The following TAF5 variants were observed in gnomAD, a reference collection of about 807,000 sequenced individuals.
The protein encoded by TAF5 is TATA-box binding protein associated factor 5, also known as transcription initiation factor TFIID subunit 5.
TAF5 carries 20 observed loss-of-function variants against 80.9 expected under a neutral mutation model. The ratio of observed to expected loss-of-function variants is 0.25; its 90% CI spans 0.17 to 0.36. The LOEUF (loss-of-function observed/expected upper bound fraction) is 0.36. Ranked by LOEUF, TAF5 falls within the 10% of genes least tolerant of loss-of-function variation. TAF5 has a pLI of 1.00. For missense variants in TAF5, 863 were observed against 1,029.4 expected, an observed-to-expected ratio of 0.84 and a Z score of 2.21; for synonymous variants, 388 against 406.4, an observed-to-expected ratio of 0.95 and a Z score of 0.55.
At chr10:103,375,805 C>G (rs1052619570) in intron 2 of TAF5, among the ~76,000 whole-genome samples, 5 of 152,034 alleles carry the variant, frequency 3.3e-5, no homozygotes, top group African/African-American at 1.2e-4. Flanking sequence ...TGCCTGTAAT[C>G]CCAGCACTTT....
At chr10:103,369,611 C>A (rs1478417867) in intron 1 of TAF5, among the ~76,000 whole-genome samples, 2 of 152,004 alleles carry the variant, frequency 1.3e-5, no homozygotes, top group Non-Finnish European at 1.5e-5. Context: ...GATGCACCCA[C>A]CTCTGCGTCC....
chr10:103,387,376 A>G (rs1196038133), intron 9 of TAF5, 24 bp downstream of exon 9: 1 of 1,587,864 alleles, frequency 6.3e-7, no homozygotes, highest in Non-Finnish European at 8.6e-7. Context: ...TTACTATTCC[A>G]GCATCCAAGG....
In TAF5 at chr10:103,380,089, A is replaced by G. The variant is rs2093379105; in HGVS notation, c.1413+70A>G. 19 of 1,502,704 alleles carry G rather than the reference A, an allele frequency of 1.3e-5. No homozygotes were observed. The Middle Eastern group carries it at 5.3e-4, about 42-fold the overall frequency. 93.1% of individuals were successfully genotyped at this position (1,502,704 alleles called of 1,614,324 possible). A position where few individuals can be genotyped will look rare whatever the true frequency, so the allele number is the denominator to read the frequency against. ...GATGATGATTTACCATTAAGAGAGAAACAAATGTATTAGCTAAAATGGAGT... is the reference window on the plus strand; with the variant it reads ...GATGATGATTTACCATTAAGAGAGAGACAAATGTATTAGCTAAAATGGAGT... On this transcript the variant is annotated intron_variant, in intron 5 of 10. Transcript: ENST00000369839.
chr10:103,372,881 G>C (rs2093362751), intron 1 of TAF5, among the ~76,000 whole-genome samples: 1 of 149,762 alleles, frequency 6.7e-6, no homozygotes. Flanking sequence ...GGCGACAAGA[G>C]TGAAACTCCA....
At position 103,379,370 on chromosome 10, in the gene TAF5, C is replaced by T. The variant is rs559721024; in HGVS notation, c.1114-238C>T. On this transcript the variant is annotated intron_variant, in intron 3 of 10. Coordinates refer to ENST00000369839, the MANE Select transcript of TAF5 (RefSeq NM_006951.5). ...TACCCAGTATACTTATATGGACATT[C>T]CTAGCTGAAAGGGAGCCTGGGAACA... 2.0e-5 allele frequency among the ~76,000 whole-genome samples: 3 copies of T among 152,122 alleles called. No homozygotes were observed. In the South Asian group the frequency reaches 6.2e-4, roughly 31 times the overall value.
At chr10:103,377,825 A>T (rs2093373261) in intron 2 of TAF5, among the ~76,000 whole-genome samples, 1 of 152,122 alleles carries the variant, frequency 6.6e-6, no homozygotes. Context: ...ATGCCTTTGA[A>T]ATTTTCATAA....
intron 2 of TAF5, 44 bp downstream of exon 2, chr10:103,373,639 G>A (rs1490179026): frequency 2.2e-6 from 3 of 1,366,158 alleles, no homozygotes; most frequent in South Asian, 1.3e-5. Context: ...CATACGTAGT[G>A]TGTGTGTGTG....
rs149562273 is a variant in TAF5 at position 103,374,790 on chromosome 10, C to T, written c.797+1195C>T. Among the ~76,000 whole-genome samples the T allele has an allele frequency of 0.012, 1,817 of 152,244 alleles. 26 individuals carry two copies. Among genetic ancestry groups the T allele is most frequent in the Middle Eastern group, 0.031 (9 of 294 alleles). On this transcript the variant is annotated intron_variant, in intron 2 of 10. Coordinates refer to ENST00000369839, the MANE Select transcript of TAF5 (RefSeq NM_006951.5). This position sits in a 1 kb window ranked among gnomAD's most constrained non-coding sequence, Gnocchi z 4.3. ...TTTTGGAAGTTATTGCAGTGGTTCT[C>T]AACTGGAGGTGGAATTGCTCCTTCC... is the stretch of plus-strand genomic sequence containing the variant.
At position 103,368,235 on chromosome 10, in the gene TAF5, C is replaced by T. The variant is rs764402804; in HGVS notation, c.246C>T (p.Pro82=). 9.6e-6 allele frequency: 14 copies of T among 1,456,696 alleles called. No homozygotes were observed. Among genetic ancestry groups the T allele is most frequent in the East Asian group, 2.8e-5 (1 of 35,544 alleles). 90.2% of individuals were successfully genotyped at this position (1,456,696 alleles called of 1,614,324 possible). Residue 82 remains proline, a synonymous_variant, in exon 1 of 11, where the codon CCC becomes CCT. Transcript: ENST00000369839. Reference sequence around the variant, plus strand: ...CCCCGGCGGGGGCGGCCCCGGTGCCCGCCGCTGCTCCGGACGCCGGCGCTC... The same window carrying T: ...CCCCGGCGGGGGCGGCCCCGGTGCCTGCCGCTGCTCCGGACGCCGGCGCTC... ...AAAPAGAAPV[P]AAAPDAGAPH... is the part of the protein sequence containing the mutation.
In TAF5 at chr10:103,380,016, C is replaced by T. The variant is rs2093378890; in HGVS notation, c.1410C>T (p.Tyr470=). The part of the protein sequence containing the change: ...SICFYTFLNA[Y]QGLTAVDVTD... ...GTTTCTATACATTTCTCAATGCTTACCAGGTTGGTAAAAAAATTGGGCGAT... is the reference window on the plus strand; with the variant it reads ...GTTTCTATACATTTCTCAATGCTTATCAGGTTGGTAAAAAAATTGGGCGAT... Residue 470 remains tyrosine (Y), a synonymous_variant, in exon 5 of 11, where the codon TAC becomes TAT. Transcript: ENST00000369839. 6.2e-7 allele frequency: 1 copy of T among 1,609,056 alleles called. No individual in the cohort carries two copies. Among genetic ancestry groups the T allele is most frequent in the Admixed American group, 1.7e-5 (1 of 58,892 alleles).
Position 103,368,149 on chromosome 10 carries a change from T to G in TAF5, c.160T>G (p.Ser54Ala), listed in dbSNP as rs1049262949. The change falls in exon 1 of 11, where the codon TCG (serine) becomes GCG (alanine). Residue 54 changes from serine (S) to alanine (A), a missense_variant. Physicochemically the swap from Ser to Ala is moderately conservative, Grantham distance 99 (BLOSUM62 1). Transcript: ENST00000369839. ...PNGGGGNVAA[S>A]SSTGGDGGTP... ...CGGCGGCGGCGGGAACGTTGCGGCGTCGTCGTCCACTGGCGGGGATGGCGG... is the reference window on the plus strand; with the variant it reads ...CGGCGGCGGCGGGAACGTTGCGGCGGCGTCGTCCACTGGCGGGGATGGCGG... 4.3e-5 allele frequency: 60 copies of G among 1,395,176 alleles called. No individual in the cohort carries two copies. Among genetic ancestry groups the G allele is most frequent in the Middle Eastern group, 1.9e-4 (1 of 5,208 alleles). The allele number at this position is 1,395,176 out of a possible 1,614,324, so 86.4% of individuals were successfully genotyped here.
chr10:103,368,801 G>A (rs1331173337), intron 1 of TAF5, among the ~76,000 whole-genome samples: 3 of 152,188 alleles, frequency 2.0e-5, no homozygotes, highest in African/African-American at 7.2e-5. Context: ...GCGGAGAGGC[G>A]GGATCTTCAC....
rs545795385 is a variant in TAF5, at chr10:103,374,849, G to A, written c.797+1254G>A. ...ATTTGAAAATGTGTAGAGGTGGCCC[G>A]GCGCTGCGGCTCACGCCTTTAATCC... On this transcript the variant is annotated intron_variant, in intron 2 of 10. Coordinates refer to ENST00000369839, the MANE Select transcript of TAF5 (RefSeq NM_006951.5). This position sits in a 1 kb window ranked among gnomAD's most constrained non-coding sequence, Gnocchi z 4.3. 1.2e-4 allele frequency among the ~76,000 whole-genome samples: 18 copies of A among 152,288 alleles called. No homozygotes were observed. In the East Asian group the frequency reaches 1.4e-3, roughly 11 times the overall value.
intron 7 of TAF5, among the ~76,000 whole-genome samples, chr10:103,383,577 C>CTT (rs147178642): frequency 0.01 from 1,351 of 129,082 alleles, 52 homozygotes; most frequent in African/African-American, 0.026. Context: ...TGTATACTCA[C>CTT]TTTTTTTTTT....
At position 103,388,524 on chromosome 10, in the gene TAF5, A is replaced by G. The variant is rs1341547261; in HGVS notation, c.*301A>G. On this transcript the variant is annotated 3_prime_UTR_variant, in exon 11 of 11. Transcript: ENST00000369839. ...TGCTATTTTAATTTATTACATTTAG[A>G]AAAAAAGTTGATTTCAATAATTCAT... 2 of 206,548 alleles carry G rather than the reference A, an allele frequency of 9.7e-6. No individual in the cohort carries two copies. The highest frequency in any genetic ancestry group is 2.1e-4 in the East Asian group (2 of 9,306). 12.8% of individuals were successfully genotyped at this position (206,548 alleles called of 1,614,324 possible).
At chr10:103,370,241 ATTT>A (rs897188313) in intron 1 of TAF5, among the ~76,000 whole-genome samples, 1 of 143,552 alleles carries the variant, frequency 7.0e-6, no homozygotes, top group Non-Finnish European at 1.5e-5. Context: ...CAAAAAAAAA[ATTT>A]TTTTTTTACA....
chr10:103,379,148 T>A (rs974321030), intron 3 of TAF5, among the ~76,000 whole-genome samples: 2 of 152,170 alleles, frequency 1.3e-5, no homozygotes, highest in Non-Finnish European at 2.9e-5. Flanking sequence ...CACAGTGCCA[T>A]CAAGGTCCCT....
intron 7 of TAF5, among the ~76,000 whole-genome samples, chr10:103,383,750 AT>A (rs1222752369): frequency 6.6e-6 from 1 of 151,300 alleles, no homozygotes. Context: ...GGCTAATTTT[AT>A]TTTTTTATTA....
At chr10:103,371,757 C>G (rs2093359981) in intron 1 of TAF5, among the ~76,000 whole-genome samples, 1 of 152,108 alleles carries the variant, frequency 6.6e-6, no homozygotes, top group African/African-American at 2.4e-5. Flanking sequence ...AAGAATGTTA[C>G]ACAGTGCTTG....
Sources: gnomAD v4.1 joint callset for allele counts (sites outside exome capture counted in the v4.1 genomes callset) on GRCh38, gnomAD v4.1.1 for gene constraint, Gnocchi (gnomAD v3.1) non-coding constraint, MANE v1.5 for transcripts, NCBI Gene and HGNC (gene_info 2026-07-23, HGNC 2026-07-21) for gene names.